Variants in BRWD3 observed in about 807,000 individuals in gnomAD.
The protein encoded by BRWD3 is bromodomain and WD repeat domain containing 3, also known as bromodomain and WD repeat-containing protein 3.
BRWD3 carries 10 observed loss-of-function variants against 149.7 expected under a neutral mutation model. The observed-to-expected ratio is 0.07, with a 90% CI of 0.04 to 0.11. The LOEUF is 0.11. Among genes scored for constraint, BRWD3 ranks in the 10% least tolerant of loss-of-function variants. BRWD3 has a pLI of 1.00. For synonymous variants in BRWD3, 504 were observed against 456.7 expected, an observed-to-expected ratio of 1.10 and a Z score of -1.32; for missense variants, 940 against 1,373.2, an observed-to-expected ratio of 0.68 and a Z score of 4.99.
chrX:80,748,122 C>T (rs1199155332), intron 6 of BRWD3, among the ~76,000 whole-genome samples: 1 of 111,648 alleles, frequency 9.0e-6, no homozygotes, highest in Non-Finnish European at 1.9e-5. Context: ...GTGTTACAGG[C>T]ATGAGCCACC....
Position 80,703,524 on chromosome X carries a change from T to C in BRWD3, c.2791A>G (p.Thr931Ala). ...ACAAATGGGGAACGTCGGGGTATAG[T>C]ATCCAAGATCCACTGAGGGGCAAAC... is the stretch of plus-strand genomic sequence containing the variant. ...EWFAPQWILD[T>A]IPRRSPFVPQ... The change falls in exon 24 of 41, where the codon ACT (threonine) becomes GCT (alanine). Residue 931 changes from threonine (T) to alanine (A), a missense_variant. Transcript: ENST00000373275. 1.7e-6 allele frequency: 2 copies of C among 1,208,070 alleles called. No individual in the cohort carries two copies. Among genetic ancestry groups the C allele is most frequent in the Non-Finnish European group, 2.2e-6 (2 of 893,710 alleles).
In BRWD3 at chrX:80,749,240, A is replaced by G. The variant is rs904049169; in HGVS notation, c.431-3511T>C. ...ATGTTTCCTTATTGATTTTCTGTCT[A>G]CATAATCTGTCCGATGTTGAAAGTG... is the stretch of plus-strand genomic sequence containing the variant. On this transcript the variant is annotated intron_variant, in intron 6 of 40. Transcript: ENST00000373275. 4.5e-5 allele frequency among the ~76,000 whole-genome samples: 5 copies of G among 111,735 alleles called. 1 individual carries two copies. In the East Asian group the frequency reaches 1.4e-3, roughly 32 times the overall value.
chrX:80,704,960 T>C, intron 22 of BRWD3, 114 bp from the exon 23 acceptor site: 1 of 796,851 alleles, frequency 1.3e-6, no homozygotes, highest in Non-Finnish European at 1.8e-6. Flanking sequence ...GGCTGGATTT[T>C]TTTCTAACTT....
rs1228370296 is a variant in BRWD3 at position 80,676,564 on chromosome X, TAGA to T, written c.*42_*44del. ...AGATTTCCTGGTAAATTCCCTGCAG[TAGA>T]AGGCCATTGAATTTTTTAAGTTATT... is the stretch of plus-strand genomic sequence containing the variant. On this transcript the variant is annotated 3_prime_UTR_variant, in exon 41 of 41. Coordinates refer to ENST00000373275, the MANE Select transcript of BRWD3 (RefSeq NM_153252.5). The T allele has an allele frequency of 8.4e-7, 1 of 1,196,040 alleles. No individual in the cohort carries two copies. The highest frequency in any genetic ancestry group is 1.7e-5 in the African/African-American group (1 of 57,384).
At chrX:80,707,581 T>C in intron 21 of BRWD3, 78 bp from the exon 22 acceptor site, 4 of 959,319 alleles carry the variant, frequency 4.2e-6, no homozygotes, top group Non-Finnish European at 5.9e-6. Flanking sequence ...CACTACCTGT[T>C]TTATAGCATT....
chrX:80,739,878 C>T lies in BRWD3; in HGVS notation c.814-3790G>A, dbSNP rs1026720816. On this transcript the variant is annotated intron_variant, in intron 8 of 40. Transcript: ENST00000373275. ...AAAGTATGTCATTGCACTGCATTCA[C>T]CTATTTTCAAACCATGGCTGATGGT... Among the ~76,000 whole-genome samples the T allele has an allele frequency of 2.7e-5, 3 of 111,964 alleles. No homozygotes were observed. The South Asian group carries it at 1.1e-3, about 41-fold the overall frequency.
chrX:80,751,377 T>A (rs2073665501), intron 6 of BRWD3, among the ~76,000 whole-genome samples: 1 of 110,753 alleles, frequency 9.0e-6, no homozygotes, highest in African/African-American at 3.3e-5. Flanking sequence ...CAAAATTATT[T>A]GCCAATAAAA....
Position 80,673,166 on chromosome X carries a change from C to G in BRWD3, c.*3443G>C, listed in dbSNP as rs1283596475. 1.8e-5 allele frequency: 2 copies of G among 111,587 alleles called. No individual in the cohort carries two copies. The highest frequency in any genetic ancestry group is 3.8e-5 in the Non-Finnish European group (2 of 53,126). 9.2% of individuals were successfully genotyped at this position (111,587 alleles called of 1,213,427 possible). A position where few individuals can be genotyped will look rare whatever the true frequency, so the allele number is the denominator to read the frequency against. On this transcript the variant is annotated 3_prime_UTR_variant, in exon 41 of 41. Transcript: ENST00000373275. The stretch of plus-strand genomic sequence containing the variant: ...AGGCTGAGTTAAATATCTGAGCGCA[C>G]AGTTGTGCAGAATGAGATTTCTAAT...
intron 24 of BRWD3, among the ~76,000 whole-genome samples, chrX:80,700,449 C>T (rs1392733378): frequency 0.016 from 63 of 3,866 alleles, no homozygotes; most frequent in African/African-American, 0.021. Context: ...TATAACAATA[C>T]AATTAGGCCG....
chrX:80,670,157 G>GA lies in BRWD3; in HGVS notation c.*6451dup, dbSNP rs1423965948. On this transcript the variant is annotated 3_prime_UTR_variant, in exon 41 of 41. Coordinates refer to ENST00000373275, the MANE Select transcript of BRWD3 (RefSeq NM_153252.5). ...AAAATGTTTCCCTAGAACTTTGGGG[G>GA]AAAAATCGATACCGTAAAAAGTTTA... is the stretch of plus-strand genomic sequence containing the variant. 9.0e-6 allele frequency among the ~76,000 whole-genome samples: 1 copy of GA among 110,804 alleles called. No homozygotes were observed. Among genetic ancestry groups the GA allele is most frequent in the Non-Finnish European group, 1.9e-5 (1 of 52,940 alleles).
chrX:80,748,728 T>C (rs777974113), intron 6 of BRWD3, among the ~76,000 whole-genome samples: 11 of 112,004 alleles, frequency 9.8e-5, no homozygotes, highest in Non-Finnish European at 1.7e-4. Context: ...CAAGTCTCTA[T>C]CTTGTCTATT....
intron 25 of BRWD3, among the ~76,000 whole-genome samples, chrX:80,698,229 A>T (rs140235656): frequency 1.8e-5 from 2 of 111,997 alleles, no homozygotes. Flanking sequence ...ATACACATTT[A>T]CTGATTATTA....
At chrX:80,703,710 A>G (rs1239158315) in intron 23 of BRWD3, 117 bp from the exon 24 acceptor site, 1 of 501,151 alleles carries the variant, frequency 2.0e-6, no homozygotes, top group Non-Finnish European at 3.3e-6. Flanking sequence ...TCAGGTTACA[A>G]TGAAACCTAA....
In BRWD3 at chrX:80,808,603, G is replaced by C. The variant is rs2074374015; in HGVS notation, c.121-5C>G. On this transcript the variant is annotated splice_region_variant and splice_polypyrimidine_tract_variant and intron_variant, in intron 3 of 40. Coordinates refer to ENST00000373275, the MANE Select transcript of BRWD3 (RefSeq NM_153252.5). ...ATCTAAGCGGCGCGGAATCAGCTGG[G>C]GGCCGGACGAAAAGAAAGGGGGAAG... 8.3e-7 allele frequency: 1 copy of C among 1,208,027 alleles called. No individual in the cohort carries two copies. The highest frequency in any genetic ancestry group is 1.1e-6 in the Non-Finnish European group (1 of 893,154).
chrX:80,808,504 GAGTT>G (rs1569295508), intron 4 of BRWD3, 31 bp downstream of exon 4: 1 of 1,166,369 alleles, frequency 8.6e-7, no homozygotes, highest in East Asian at 3.0e-5. Context: ...AGTGGTGAAA[GAGTT>G]AGGTTAAGTT....
intron 6 of BRWD3, among the ~76,000 whole-genome samples, chrX:80,778,654 T>G (rs763998112): frequency 8.9e-6 from 1 of 112,538 alleles, no homozygotes; most frequent in East Asian, 2.8e-4. Flanking sequence ...TAACCTTGGA[T>G]TCGTATTTTC....
intron 20 of BRWD3, among the ~76,000 whole-genome samples, chrX:80,711,568 A>G (rs749686782): frequency 8.9e-6 from 1 of 111,837 alleles, no homozygotes; most frequent in Admixed American, 9.5e-5. Context: ...GAATCAACCA[A>G]AAGTCTGGCA....
chrX:80,688,090 A>T lies in BRWD3; in HGVS notation c.3843T>A (p.Pro1281=). The T allele has an allele frequency of 8.3e-7, 1 of 1,203,268 alleles. No individual in the cohort carries two copies. The change falls in exon 34 of 41, where the codon CCT becomes CCA. Residue 1281 remains proline (P), a synonymous_variant. Coordinates refer to ENST00000373275, the MANE Select transcript of BRWD3 (RefSeq NM_153252.5). ...TEIVDLDSDG[P]GTSSGRKVKC... is the part of the protein sequence containing the mutation. The stretch of plus-strand genomic sequence containing the variant: ...TCACCTTTCTTCCAGATGAAGTACC[A>T]GGACCGTCTGAATCTAAATCAACAA...
At chrX:80,785,929 T>C (rs1301463294) in intron 6 of BRWD3, among the ~76,000 whole-genome samples, 17 of 111,372 alleles carry the variant, frequency 1.5e-4, no homozygotes, top group African/African-American at 4.9e-4. Context: ...ACTTGGGAGG[T>C]TGACGCAGGA....
Sources: gnomAD v4.1 joint callset for allele counts (sites outside exome capture counted in the v4.1 genomes callset) on GRCh38, gnomAD v4.1.1 for gene constraint, MANE v1.5 for transcripts, NCBI Gene and HGNC (gene_info 2026-07-23, HGNC 2026-07-21) for gene names.